HIVEP1: variants seen among roughly 807,000 people sequenced by gnomAD.
HIVEP1 encodes zinc finger protein 40.
A neutral mutation model predicts 180.0 loss-of-function variants in HIVEP1; 36 were observed. The observed-to-expected ratio is 0.20, with a 90% CI of 0.15 to 0.26. The LOEUF is 0.26. HIVEP1 is among the 10% of genes least tolerant of loss of function. The pLI, the probability that HIVEP1 is intolerant of heterozygous loss-of-function variation, is 1.00. For synonymous variants in HIVEP1, 1,239 were observed against 1,239.0 expected, an observed-to-expected ratio of 1.00 and a Z score of 0.00; for missense variants, 3,143 against 3,268.7, an observed-to-expected ratio of 0.96 and a Z score of 0.94.
At chr6:12,117,924 C>G (rs558600265) in intron 3 of HIVEP1, among the ~76,000 whole-genome samples, 2 of 152,164 alleles carry the variant, frequency 1.3e-5, no homozygotes, top group Non-Finnish European at 2.9e-5. Flanking sequence ...TTCACTTTGC[C>G]TACTTGCCTG....
chr6:12,132,892 A>C (rs1324996261), intron 6 of HIVEP1, among the ~76,000 whole-genome samples: 1 of 152,068 alleles, frequency 6.6e-6, no homozygotes, highest in Non-Finnish European at 1.5e-5. Context: ...CTTTTTGTGA[A>C]TCTATGTAAA....
downstream of HIVEP1, among the ~76,000 whole-genome samples, chr6:12,168,326 A>G (rs996348514): frequency 2.3e-5 from 3 of 132,752 alleles, no homozygotes; most frequent in African/African-American, 8.3e-5. Context: ...ATACATATAT[A>G]TTATATAATT....
the HIVEP1 span, among the ~76,000 whole-genome samples, chr6:12,172,797 T>G: frequency 6.6e-6 from 1 of 152,072 alleles, no homozygotes; most frequent in Non-Finnish European, 1.5e-5. Context: ...TCCTTTTTTT[T>G]TTTTTTCTAC....
chr6:12,175,491 T>C, the HIVEP1 span, among the ~76,000 whole-genome samples: 1 of 152,244 alleles, frequency 6.6e-6, no homozygotes, highest in Non-Finnish European at 1.5e-5. Context: ...TCAATAATTT[T>C]AAATGCTTTC....
At chr6:12,184,334 A>G in the HIVEP1 span, among the ~76,000 whole-genome samples, 4 of 152,224 alleles carry the variant, frequency 2.6e-5, no homozygotes, top group Non-Finnish European at 5.9e-5. Context: ...AGATATAAAT[A>G]TCTTGAAGAA....
rs377692501 is a variant in HIVEP1, at chr6:12,020,596, G to A, written c.40+4928G>A. On this transcript the variant is annotated intron_variant, in intron 2 of 8. Transcript: ENST00000379388. ...CATGCCTCTTCCGTTGTGATAAAGG[G>A]CTCTATTCGTGTTTTGCCACTCATT... 9.9e-5 allele frequency among the ~76,000 whole-genome samples: 15 copies of A among 152,144 alleles called. No homozygotes were observed. The East Asian group carries it at 1.9e-3, about 20-fold the overall frequency.
the HIVEP1 span, among the ~76,000 whole-genome samples, chr6:12,179,954 G>A: frequency 6.6e-6 from 1 of 152,080 alleles, no homozygotes; most frequent in Non-Finnish European, 1.5e-5. Context: ...GCTATGACAT[G>A]AATTTTCTTT....
chr6:12,105,712 T>C (rs1774380172), intron 3 of HIVEP1, among the ~76,000 whole-genome samples: 1 of 152,184 alleles, frequency 6.6e-6, no homozygotes, highest in Non-Finnish European at 1.5e-5. Context: ...ACACACACGC[T>C]CTCACACAGA....
intron 3 of HIVEP1, among the ~76,000 whole-genome samples, chr6:12,089,658 A>G (rs1773334628): frequency 6.6e-6 from 1 of 151,940 alleles, no homozygotes; most frequent in South Asian, 2.1e-4. Context: ...CCTGAATACC[A>G]GTCAGTGGAA....
rs780013841 is a variant in HIVEP1, at chr6:12,161,479, T to C, written c.6528T>C (p.Asp2176=). Residue 2176 remains aspartate (D), a synonymous_variant, in exon 8 of 9, where the codon GAT becomes GAC. Coordinates refer to ENST00000379388, the MANE Select transcript of HIVEP1 (RefSeq NM_002114.4). ...QRFSYERSGY[D]LEESDGPDED... The stretch of plus-strand genomic sequence containing the variant: ...TCAGTTATGAGCGATCTGGATATGA[T>C]CTTGAAGAATCTGATGGCCCAGATG... 1 of 1,613,792 alleles carries C rather than the reference T, an allele frequency of 6.2e-7. No individual in the cohort carries two copies. The highest frequency in any genetic ancestry group is 2.2e-5 in the East Asian group (1 of 44,880).
intron 3 of HIVEP1, among the ~76,000 whole-genome samples, chr6:12,109,599 C>A (rs970469562): frequency 6.6e-6 from 1 of 152,206 alleles, no homozygotes; most frequent in African/African-American, 2.4e-5. Context: ...CGTGAGATTG[C>A]AGCAATTCAG....
chr6:12,174,167 A>G, the HIVEP1 span, among the ~76,000 whole-genome samples: 1 of 152,178 alleles, frequency 6.6e-6, no homozygotes, highest in Non-Finnish European at 1.5e-5. Flanking sequence ...TGATTGAACA[A>G]TCTGGTCTTC....
At chr6:12,145,598 G>A (rs183587129) in intron 7 of HIVEP1, among the ~76,000 whole-genome samples, 19 of 150,512 alleles carry the variant, frequency 1.3e-4, no homozygotes, top group African/African-American at 4.6e-4. Context: ...AGCAGATGTC[G>A]TTTGATCAGT....
downstream of HIVEP1, among the ~76,000 whole-genome samples, chr6:12,167,644 T>TAC (rs1246734184): frequency 4.1e-5 from 1 of 24,686 alleles, no homozygotes; most frequent in Non-Finnish European, 8.4e-5. Context: ...TATATACATA[T>TAC]ACATATATAT....
rs1320077061 is a variant in HIVEP1, at chr6:12,063,425, AGT to A, written c.41-25757_41-25756del. Among the ~76,000 whole-genome samples, 1 of 152,112 alleles carries A rather than the reference AGT, an allele frequency of 6.6e-6. No homozygotes were observed. Among genetic ancestry groups the A allele is most frequent in the East Asian group, 1.9e-4 (1 of 5,186 alleles). ...AAATCACCCCAACCTAAAAACCACTAGTGGAGTTATATGGCATTAAACAAGAT... is the reference window on the plus strand; with the variant it reads ...AAATCACCCCAACCTAAAAACCACTAGGAGTTATATGGCATTAAACAAGAT... On this transcript the variant is annotated intron_variant, in intron 2 of 8. Coordinates refer to ENST00000379388, the MANE Select transcript of HIVEP1 (RefSeq NM_002114.4). The surrounding 1 kb of genome is among the most constrained non-coding windows in gnomAD (Gnocchi z 4.2).
Position 12,125,854 on chromosome 6 carries a change from A to C in HIVEP1, c.6059A>C (p.Lys2020Thr). ...TTATTGGTCTATTCAAGCAAGTGGA[A>C]AAGCAGCTTAAGCAAGGTACTTGAA... is the stretch of plus-strand genomic sequence containing the variant. ...SDLLVYSSKWKSSLSKRALGN... is the reference protein window; with the variant it reads ...SDLLVYSSKWTSSLSKRALGN... The change falls in exon 4 of 9, where the codon AAA becomes ACA. Residue 2020 changes from lysine (K) to threonine (T), a missense_variant. Physicochemically the swap from Lys to Thr is moderately conservative, Grantham distance 78. Around this residue, in one of 12 missense-constraint regions of HIVEP1, gnomAD observed 1,357 missense variants for 1,260.5 expected, o/e 1.08. Coordinates refer to ENST00000379388, the MANE Select transcript of HIVEP1 (RefSeq NM_002114.4). 1.3e-6 allele frequency: 2 copies of C among 1,598,346 alleles called. No homozygotes were observed. Among genetic ancestry groups the C allele is most frequent in the Non-Finnish European group, 1.7e-6 (2 of 1,172,074 alleles).
intron 3 of HIVEP1, among the ~76,000 whole-genome samples, chr6:12,104,424 C>CT (rs1561942316): frequency 2.5e-5 from 2 of 79,786 alleles, no homozygotes; most frequent in African/African-American, 4.4e-5. Context: ...CCTTTTCTTT[C>CT]CTTTTTTTTT....
chr6:12,098,693 A>G (rs943396457), intron 3 of HIVEP1, among the ~76,000 whole-genome samples: 1 of 152,230 alleles, frequency 6.6e-6, no homozygotes, highest in Admixed American at 6.5e-5. Flanking sequence ...ATTTGAGGGC[A>G]GAAATAGTAG....
At chr6:12,170,516 T>A in the HIVEP1 span, among the ~76,000 whole-genome samples, 2 of 152,182 alleles carry the variant, frequency 1.3e-5, no homozygotes, top group East Asian at 1.9e-4. Flanking sequence ...AACTCACAGA[T>A]GTGATGAAAC....
Sources: gnomAD v4.1 joint callset for allele counts (sites outside exome capture counted in the v4.1 genomes callset) on GRCh38, gnomAD v4.1.1 for gene constraint, gnomAD v4.1.1 regional missense constraint, Gnocchi (gnomAD v3.1) non-coding constraint, MANE v1.5 for transcripts, NCBI Gene and HGNC (gene_info 2026-07-23, HGNC 2026-07-21) for gene names.